The following ZNF423 variants were observed in gnomAD, a reference collection of about 807,000 sequenced individuals.
ZNF423 encodes zinc finger protein 423.
Under a neutral mutation model 95.8 loss-of-function variants are expected in ZNF423, and 12 were observed. The ratio of observed to expected loss-of-function variants is 0.13; its 90% CI spans 0.08 to 0.20. The LOEUF is 0.20. ZNF423 is among the 10% of genes least tolerant of loss of function. ZNF423 has a pLI of 1.00. For synonymous variants in ZNF423, 749 were observed against 711.9 expected, an observed-to-expected ratio of 1.05 and a Z score of -0.83; for missense variants, 1,316 against 1,737.1, an observed-to-expected ratio of 0.76 and a Z score of 4.31.
intron 5 of ZNF423, among the ~76,000 whole-genome samples, chr16:49,530,867 C>T (rs974648782): frequency 6.6e-6 from 1 of 152,200 alleles, no homozygotes; most frequent in Non-Finnish European, 1.5e-5. Context: ...CTGCTGTTCA[C>T]CCCCAGCAGC....
At chr16:49,720,053 C>T (rs1464579297) in intron 3 of ZNF423, among the ~76,000 whole-genome samples, 2 of 152,096 alleles carry the variant, frequency 1.3e-5, no homozygotes, top group Non-Finnish European at 2.9e-5. Context: ...GTGGATGCCA[C>T]GAGGGCTTGA....
At chr16:49,589,249 T>C (rs1410142948) in intron 5 of ZNF423, among the ~76,000 whole-genome samples, 1 of 152,168 alleles carries the variant, frequency 6.6e-6, no homozygotes, top group East Asian at 1.9e-4. Flanking sequence ...TCCCACTGCC[T>C]ACCCAACCAA....
chr16:49,562,922 G>A (rs1171797424), intron 5 of ZNF423, among the ~76,000 whole-genome samples: 1 of 152,070 alleles, frequency 6.6e-6, no homozygotes, highest in African/African-American at 2.4e-5. Context: ...GGGACTACAG[G>A]CACGAAACGA....
At chr16:49,495,577 T>G (rs1967136994) in intron 7 of ZNF423, among the ~76,000 whole-genome samples, 1 of 152,208 alleles carries the variant, frequency 6.6e-6, no homozygotes, top group African/African-American at 2.4e-5. Flanking sequence ...TTGCTGGGAA[T>G]TCAGCAGCAA....
intron 2 of ZNF423, among the ~76,000 whole-genome samples, chr16:49,771,192 C>CTTTTT (rs71380376): frequency 8.9e-5 from 8 of 89,426 alleles, no homozygotes; most frequent in East Asian, 3.7e-4. Context: ...TTTTTTTTTT[C>CTTTTT]TTTTTTTTTT....
intron 2 of ZNF423, 152 bp from the exon 3 acceptor site, chr16:49,731,123 G>T (rs2033157605): frequency 9.2e-6 from 9 of 978,028 alleles, no homozygotes; most frequent in Admixed American, 5.7e-5. Context: ...AATAGATGGG[G>T]TTTTTTTGTA....
At chr16:49,852,255 G>C (rs1343419792) in intron 1 of ZNF423, among the ~76,000 whole-genome samples, 1 of 152,176 alleles carries the variant, frequency 6.6e-6, no homozygotes, top group Non-Finnish European at 1.5e-5. Flanking sequence ...GTGGGCGGGT[G>C]TATGGACATA....
chr16:49,501,834 C>T (rs776644334), intron 7 of ZNF423, among the ~76,000 whole-genome samples: 16 of 151,482 alleles, frequency 1.1e-4, no homozygotes, highest in East Asian at 7.7e-4. Flanking sequence ...CACTGTGGTG[C>T]GCACAGACAT....
At chr16:49,810,139 G>A (rs1487359873) in intron 1 of ZNF423, among the ~76,000 whole-genome samples, 2 of 152,076 alleles carry the variant, frequency 1.3e-5, no homozygotes, top group Non-Finnish European at 2.9e-5. Flanking sequence ...GTCTGGGGTC[G>A]GGGAGGCTGG....
chr16:49,561,892 G>C (rs1468713278), intron 5 of ZNF423, among the ~76,000 whole-genome samples: 2 of 152,168 alleles, frequency 1.3e-5, no homozygotes, highest in African/African-American at 4.8e-5. Context: ...GTAATTGCTG[G>C]CTATTTTCTA....
chr16:49,786,238 C>T (rs2034310437), intron 2 of ZNF423, among the ~76,000 whole-genome samples: 2 of 152,242 alleles, frequency 1.3e-5, no homozygotes, highest in Non-Finnish European at 2.9e-5. Context: ...TGTCAGGGCC[C>T]CCGCTCGAGG....
chr16:49,685,679 C>T (rs996584228), intron 3 of ZNF423, among the ~76,000 whole-genome samples: 2 of 152,224 alleles, frequency 1.3e-5, no homozygotes, highest in East Asian at 1.9e-4. Context: ...CGCACACACC[C>T]TCTGTTCTCG....
intron 2 of ZNF423, among the ~76,000 whole-genome samples, chr16:49,749,092 A>G (rs62029369): frequency 0.036 from 5,440 of 152,286 alleles, 130 homozygotes; most frequent in Non-Finnish European, 0.055. Flanking sequence ...AGCATAGGAG[A>G]GTAACCTCCT....
chr16:49,830,632 C>G (rs1280347029), intron 1 of ZNF423, among the ~76,000 whole-genome samples: 1 of 152,142 alleles, frequency 6.6e-6, no homozygotes, highest in Non-Finnish European at 1.5e-5. Flanking sequence ...CAGGGAGCTT[C>G]TCTCTCCTGG....
intron 2 of ZNF423, chr16:49,731,348 TC>T (rs2033163692): frequency 4.1e-6 from 4 of 985,420 alleles, no homozygotes; most frequent in Non-Finnish European, 4.8e-6. Context: ...CTTTTAGTTT[TC>T]CCCACAGCCT....
intron 2 of ZNF423, among the ~76,000 whole-genome samples, chr16:49,783,841 G>A (rs1004610970): frequency 4.6e-5 from 7 of 151,796 alleles, no homozygotes; most frequent in African/African-American, 1.5e-4. Context: ...GTGATGGCAC[G>A]TGCCTGTAGT....
intron 3 of ZNF423, among the ~76,000 whole-genome samples, chr16:49,639,097 T>C (rs997748782): frequency 6.6e-6 from 1 of 152,102 alleles, no homozygotes; most frequent in African/African-American, 2.4e-5. Flanking sequence ...GGGGAGCGCC[T>C]TTTCCCTTCA....
chr16:49,493,116 C>G (rs1404413630), intron 7 of ZNF423, among the ~76,000 whole-genome samples: 1 of 152,138 alleles, frequency 6.6e-6, no homozygotes, highest in Non-Finnish European at 1.5e-5. Flanking sequence ...ACCCTCCAGC[C>G]GTGGCACCTC....
intron 5 of ZNF423, among the ~76,000 whole-genome samples, chr16:49,614,493 T>A (rs555771029): frequency 9.2e-5 from 14 of 152,352 alleles, no homozygotes; most frequent in African/African-American, 3.1e-4. Context: ...TCCATTTATA[T>A]AACAGTCTTG....
Sources: gnomAD v4.1 joint callset for allele counts (sites outside exome capture counted in the v4.1 genomes callset) on GRCh38, gnomAD v4.1.1 for gene constraint, MANE v1.5 for transcripts, NCBI Gene and HGNC (gene_info 2026-07-23, HGNC 2026-07-21) for gene names.